The following ZNF689 variants were observed in gnomAD, a reference collection of about 807,000 sequenced individuals.
ZNF689 encodes short ORF-encoded histone-binding protein.
In ZNF689, 14 loss-of-function variants were observed where a neutral mutation model predicts 37.2. The observed-to-expected ratio is 0.38, with a 90% CI of 0.25 to 0.59. The LOEUF is 0.59. Among genes scored for constraint, ZNF689 ranks in the 20% least tolerant of loss-of-function variants. ZNF689 has a pLI of 0.68. For synonymous variants in ZNF689, 277 were observed against 283.3 expected (o/e 0.98, Z 0.22); for missense variants, 573 against 700.2 (o/e 0.82, Z 2.05).
Position 30,604,699 on chromosome 16 carries a change from C to A in ZNF689, c.1068G>T (p.Gln356His). Reference protein sequence around the residue: ...ACEHCEARFSQRSTLLQHQLL... With the variant: ...ACEHCEARFSHRSTLLQHQLL... ...GCTGGTGCTGGAGCAGCGTGCTGCG[C>A]TGGGAGAAGCGGGCCTCACAGTGCT... The change falls in exon 3 of 3, where the codon CAG becomes CAT. Residue 356 changes from glutamine (Q) to histidine (H), a missense_variant. Gln to His is a conservative substitution (Grantham distance 24, BLOSUM62 0). Coordinates refer to ENST00000287461, the MANE Select transcript of ZNF689 (RefSeq NM_138447.3). This position sits in a 1 kb window ranked among gnomAD's most constrained non-coding sequence, Gnocchi z 5.2. 6.2e-7 allele frequency: 1 copy of A among 1,608,660 alleles called. No homozygotes were observed.
At position 30,604,782 on chromosome 16, in the gene ZNF689, A is replaced by T. The variant is rs1159066017; in HGVS notation, c.985T>A (p.Ser329Thr). The change falls in exon 3 of 3, where the codon TCC becomes ACC. Residue 329 changes from serine (S) to threonine (T), a missense_variant. By Grantham distance (58) the Ser-to-Thr change is moderately conservative (BLOSUM62 1). Coordinates refer to ENST00000287461, the MANE Select transcript of ZNF689 (RefSeq NM_138447.3). This position sits in a 1 kb window ranked among gnomAD's most constrained non-coding sequence, Gnocchi z 5.2. ...CPDCERRFSS[S>T]SRLVSHRRVH... ...CGCCGGTGACTGACCAGGCGAGAGG[A>T]GGAGGAGAAGCGCCGCTCGCAGTCC... 1 of 1,603,330 alleles carries T rather than the reference A, an allele frequency of 6.2e-7. No individual in the cohort carries two copies. Among genetic ancestry groups the T allele is most frequent in the Non-Finnish European group, 8.5e-7 (1 of 1,175,628 alleles).
rs1222613643 is a variant in ZNF689, at chr16:30,602,998, T to A, written c.*1266A>T. On this transcript the variant is annotated 3_prime_UTR_variant, in exon 3 of 3. Transcript: ENST00000287461. The stretch of plus-strand genomic sequence containing the variant: ...CAACTTGATGACTATAGACTCTTCC[T>A]CTCTGGATTCAGTTCCCTCTTTCTA... 1 of 152,260 alleles carries A rather than the reference T, an allele frequency of 6.6e-6. No homozygotes were observed. Among genetic ancestry groups the A allele is most frequent in the Non-Finnish European group, 1.5e-5 (1 of 68,066 alleles). 9.4% of individuals were successfully genotyped at this position (152,260 alleles called of 1,614,324 possible). A position where few individuals can be genotyped will look rare whatever the true frequency, so the allele number is the denominator to read the frequency against.
At chr16:30,607,598 AAAAAG>A (rs968855502) in intron 2 of ZNF689, among the ~76,000 whole-genome samples, 1 of 152,038 alleles carries the variant, frequency 6.6e-6, no homozygotes, top group Non-Finnish European at 1.5e-5. Flanking sequence ...CTCAAAAAAA[AAAAAG>A]AAAAGAAACA....
At chr16:30,609,267 CAAAAAAAA>C (rs77079521) in intron 2 of ZNF689, among the ~76,000 whole-genome samples, 2 of 60,726 alleles carry the variant, frequency 3.3e-5, no homozygotes, top group South Asian at 5.6e-4. Flanking sequence ...AATGTTTCTA[CAAAAAAAA>C]AAAAAAAAAA....
At chr16:30,609,325 G>T in intron 2 of ZNF689, 200 bp downstream of exon 2, 1 of 479,648 alleles carries the variant, frequency 2.1e-6, no homozygotes. Context: ...TTCACACAGT[G>T]GAAAACTGCA....
At position 30,605,625 on chromosome 16, in the gene ZNF689, G is replaced by A. The variant is rs2052028996; in HGVS notation, c.320-178C>T. 6.6e-6 allele frequency among the ~76,000 whole-genome samples: 1 copy of A among 152,142 alleles called. No individual in the cohort carries two copies. The highest frequency in any genetic ancestry group is 1.5e-5 in the Non-Finnish European group (1 of 68,038). On this transcript the variant is annotated intron_variant, in intron 2 of 2. Transcript: ENST00000287461. This position sits in a 1 kb window ranked among gnomAD's most constrained non-coding sequence, Gnocchi z 5.1. Reference sequence around the variant, plus strand: ...GTGCATTACAGGAGCTTCTAACCCAGCTTGGAGAAGTCTAGGAAGATTTCT... The same window carrying A: ...GTGCATTACAGGAGCTTCTAACCCAACTTGGAGAAGTCTAGGAAGATTTCT...
In ZNF689 at chr16:30,603,408, C is replaced by T. The variant is rs1476188243; in HGVS notation, c.*856G>A. 6.6e-6 allele frequency: 1 copy of T among 150,844 alleles called. No individual in the cohort carries two copies. The highest frequency in any genetic ancestry group is 1.5e-5 in the Non-Finnish European group (1 of 67,846). The allele number at this position is 150,844 out of a possible 1,614,324, so 9.3% of individuals were successfully genotyped here. Reference sequence around the variant, plus strand: ...GTTTAGGGCATTTATATATCTGCAACCCAATAAACCCCTGGTACCATGCAG... The same window carrying T: ...GTTTAGGGCATTTATATATCTGCAATCCAATAAACCCCTGGTACCATGCAG... On this transcript the variant is annotated 3_prime_UTR_variant, in exon 3 of 3. Coordinates refer to ENST00000287461, the MANE Select transcript of ZNF689 (RefSeq NM_138447.3).
Position 30,604,315 on chromosome 16 carries a change from A to G in ZNF689, c.1452T>C (p.Cys484=), listed in dbSNP as rs1463078631. ...AGCCCCCGATAGCAGATCTAGGGCT[A>G]CAGTTTGGGGCCTTGGGGCTACACT... The part of the protein sequence containing the change: ...VHKCSPKAPN[C]SPRSAIGGSS... The change falls in exon 3 of 3, where the codon TGT becomes TGC. Residue 484 remains cysteine, a synonymous_variant. Transcript: ENST00000287461. The surrounding 1 kb of genome is among the most constrained non-coding windows in gnomAD (Gnocchi z 5.2). 1 of 1,614,070 alleles carries G rather than the reference A, an allele frequency of 6.2e-7. No homozygotes were observed. The highest frequency in any genetic ancestry group is 8.5e-7 in the Non-Finnish European group (1 of 1,180,034).
intron 2 of ZNF689, among the ~76,000 whole-genome samples, chr16:30,606,329 T>C (rs2052035853): frequency 6.6e-6 from 1 of 152,154 alleles, no homozygotes; most frequent in Non-Finnish European, 1.5e-5. Context: ...AAAATATTAA[T>C]AAAGGAATAC....
chr16:30,609,766 C>T, intron 1 of ZNF689, 71 bp downstream of exon 1: 1 of 1,568,932 alleles, frequency 6.4e-7, no homozygotes, highest in South Asian at 1.2e-5. Flanking sequence ...GGACCGTGGC[C>T]TCCCTGCCTA....
chr16:30,609,971 C>T lies in ZNF689; in HGVS notation c.71G>A (p.Arg24Lys), dbSNP rs776704127. 1.2e-6 allele frequency: 2 copies of T among 1,611,882 alleles called. No individual in the cohort carries two copies. Among genetic ancestry groups the T allele is most frequent in the Non-Finnish European group, 1.7e-6 (2 of 1,179,440 alleles). Reference sequence around the variant, plus strand: ...CACGAACTTCAGAGCCCTCGGCCTCCTGCCCCTTTTCCGACTGGGTCTGGC... The same window carrying T: ...CACGAACTTCAGAGCCCTCGGCCTCTTGCCCCTTTTCCGACTGGGTCTGGC... ...GKARPSRKRGRRPRALKFVDV... is the reference protein window; with the variant it reads ...GKARPSRKRGKRPRALKFVDV... Residue 24 changes from arginine (R) to lysine (K), a missense_variant, in exon 1 of 3, where the codon AGG becomes AAG. Arg to Lys is a conservative substitution (Grantham distance 26, BLOSUM62 2). This residue lies in a region of ZNF689 where 252 missense variants were observed against 313.3 expected (regional missense o/e 0.80). Coordinates refer to ENST00000287461, the MANE Select transcript of ZNF689 (RefSeq NM_138447.3).
At chr16:30,608,765 A>G (rs538500433) in intron 2 of ZNF689, among the ~76,000 whole-genome samples, 1 of 152,336 alleles carries the variant, frequency 6.6e-6, no homozygotes, top group East Asian at 1.9e-4. Context: ...AAATTAACTG[A>G]AAAGTTTTAA....
At chr16:30,606,530 C>T (rs933584602) in intron 2 of ZNF689, among the ~76,000 whole-genome samples, 4 of 151,382 alleles carry the variant, frequency 2.6e-5, no homozygotes, top group East Asian at 1.9e-4. Context: ...GACAGAGTCA[C>T]GCTCTGTCAC....
At chr16:30,608,172 AC>A (rs1370080591) in intron 2 of ZNF689, 2 of 152,238 alleles carry the variant, frequency 1.3e-5, no homozygotes, top group Non-Finnish European at 2.9e-5. Flanking sequence ...TGCATTTCTA[AC>A]AAGTTTCCAA....
At chr16:30,606,787 A>G (rs1240703580) in intron 2 of ZNF689, among the ~76,000 whole-genome samples, 1 of 151,958 alleles carries the variant, frequency 6.6e-6, no homozygotes, top group East Asian at 1.9e-4. Flanking sequence ...GTGAGCCACC[A>G]TGCCCAGCTC....
Position 30,604,880 on chromosome 16 carries a change from C to A in ZNF689, c.887G>T (p.Arg296Leu). The A allele has an allele frequency of 6.3e-7, 1 of 1,577,932 alleles. No homozygotes were observed. The highest frequency in any genetic ancestry group is 1.2e-5 in the South Asian group (1 of 84,074). The change falls in exon 3 of 3, where the codon CGC becomes CTC. Residue 296 changes from arginine (R) to leucine (L), a missense_variant. Arg to Leu is a moderately radical substitution (Grantham distance 102). Around this residue, in one of 3 missense-constraint regions of ZNF689, gnomAD observed 317 missense variants for 367.1 expected, o/e 0.86. Coordinates refer to ENST00000287461, the MANE Select transcript of ZNF689 (RefSeq NM_138447.3). This position sits in a 1 kb window ranked among gnomAD's most constrained non-coding sequence, Gnocchi z 5.2. ...EKPYTCLECN[R>L]RFRQRTALVI... ...GAGGGCCGTGCGCTGGCGGAAGCGG[C>A]GGTTGCACTCGAGGCAAGTGTAGGG...
At position 30,609,817 on chromosome 16, in the gene ZNF689, G is replaced by C; in HGVS notation, c.205+20C>G. 6.3e-7 allele frequency: 1 copy of C among 1,588,696 alleles called. No homozygotes were observed. Among genetic ancestry groups the C allele is most frequent in the Non-Finnish European group, 8.6e-7 (1 of 1,169,088 alleles). On this transcript the variant is annotated intron_variant, in intron 1 of 2. Transcript: ENST00000287461. ...CTGCATCCCTTCGCGCCCCGCGGCA[G>C]CGGATGGGGCCGGCCTCACCGAGCG...
chr16:30,604,415 T>C lies in ZNF689; in HGVS notation c.1352A>G (p.His451Arg), dbSNP rs1296737957. The change falls in exon 3 of 3, where the codon CAC becomes CGC. Residue 451 changes from histidine (H) to arginine (R), a missense_variant. By Grantham distance (29) the His-to-Arg change is conservative (BLOSUM62 0). Around this residue, in one of 3 missense-constraint regions of ZNF689, gnomAD observed 317 missense variants for 367.1 expected, o/e 0.86. Coordinates refer to ENST00000287461, the MANE Select transcript of ZNF689 (RefSeq NM_138447.3). The surrounding 1 kb of genome is among the most constrained non-coding windows in gnomAD (Gnocchi z 5.2). ...WSHLAQHQLL[H>R]TGEKPFPCLE... is the part of the protein sequence containing the mutation. Reference sequence around the variant, plus strand: ...GCAGGGGAAAGGCTTCTCCCCCGTGTGCAGCAGCTGGTGCTGGGCCAGGTG... The same window carrying C: ...GCAGGGGAAAGGCTTCTCCCCCGTGCGCAGCAGCTGGTGCTGGGCCAGGTG... 1 of 1,613,694 alleles carries C rather than the reference T, an allele frequency of 6.2e-7. No individual in the cohort carries two copies. Among genetic ancestry groups the C allele is most frequent in the South Asian group, 1.1e-5 (1 of 91,052 alleles).
In ZNF689 at chr16:30,604,367, C is replaced by T; in HGVS notation, c.1400G>A (p.Arg467His). 2 of 1,613,534 alleles carry T rather than the reference C, an allele frequency of 1.2e-6. No individual in the cohort carries two copies. The highest frequency in any genetic ancestry group is 2.2e-5 in the East Asian group (1 of 44,878). The stretch of plus-strand genomic sequence containing the variant: ...GTGGACAGCCAGAGACCACCTCTGG[C>T]GGAAGCACCGGCCACACTCGAGGCA... The part of the protein sequence containing the change: ...FPCLECGRCF[R>H]QRWSLAVHKC... The change falls in exon 3 of 3, where the codon CGC (arginine) becomes CAC (histidine). Residue 467 changes from arginine to histidine, a missense_variant. Arg to His is a conservative substitution (Grantham distance 29). This residue lies in a region of ZNF689 where 317 missense variants were observed against 367.1 expected (regional missense o/e 0.86). Transcript: ENST00000287461. This position sits in a 1 kb window ranked among gnomAD's most constrained non-coding sequence, Gnocchi z 5.2.
Sources: gnomAD v4.1 joint callset for allele counts (sites outside exome capture counted in the v4.1 genomes callset) on GRCh38, gnomAD v4.1.1 for gene constraint, gnomAD v4.1.1 regional missense constraint, Gnocchi (gnomAD v3.1) non-coding constraint, MANE v1.5 for transcripts, NCBI Gene and HGNC (gene_info 2026-07-23, HGNC 2026-07-21) for gene names.